The following CTNNA2 variants were observed in gnomAD, a reference collection of about 807,000 sequenced individuals.
CTNNA2 encodes catenin alpha-2.
CTNNA2 carries 42 observed loss-of-function variants against 101.0 expected under a neutral mutation model. The ratio of observed to expected loss-of-function variants is 0.42; its 90% CI spans 0.32 to 0.54. The LOEUF (loss-of-function observed/expected upper bound fraction) is 0.54. Ranked by LOEUF, CTNNA2 falls within the 20% of genes least tolerant of loss-of-function variation. The pLI is 0.14. For synonymous variants in CTNNA2, 450 were observed against 456.4 expected, an observed-to-expected ratio of 0.99 and a Z score of 0.18; for missense variants, 871 against 1,223.1, an observed-to-expected ratio of 0.71 and a Z score of 4.29.
chr2:80,540,942 G>A (rs1691500282), intron 9 of CTNNA2, among the ~76,000 whole-genome samples: 1 of 152,178 alleles, frequency 6.6e-6, no homozygotes, highest in Admixed American at 6.5e-5. Context: ...AGGAGCCTCA[G>A]CCTCCCAAAT....
chr2:79,943,295 C>T (rs1361957301), intron 7 of CTNNA2, among the ~76,000 whole-genome samples: 2 of 152,040 alleles, frequency 1.3e-5, no homozygotes, highest in Admixed American at 1.3e-4. Flanking sequence ...AGTGGATTTT[C>T]TAGCAAACTC....
At chr2:79,680,691 T>C (rs1016131359) in intron 2 of CTNNA2, among the ~76,000 whole-genome samples, 4 of 152,222 alleles carry the variant, frequency 2.6e-5, no homozygotes, top group Admixed American at 1.3e-4. Context: ...CAGGGAATCT[T>C]ACTCTTAGGG....
chr2:79,759,422 A>G lies in CTNNA2; in HGVS notation c.298+14840A>G, dbSNP rs1395199657. ...TAATAATAATAATAAATAAAATAAA[A>G]TTGATGCTTATGAATGGTCACTTTT... On this transcript the variant is annotated intron_variant, in intron 3 of 18. Transcript: ENST00000402739. Among the ~76,000 whole-genome samples the G allele has an allele frequency of 2.6e-5, 4 of 152,000 alleles. No homozygotes were observed. The South Asian group carries it at 8.3e-4, about 32-fold the overall frequency.
chr2:80,610,673 A>C (rs1573449810), intron 17 of CTNNA2, among the ~76,000 whole-genome samples: 1 of 151,808 alleles, frequency 6.6e-6, no homozygotes, highest in African/African-American at 2.4e-5. Flanking sequence ...AATGATTTTG[A>C]TGTCAAAACA....
At chr2:79,936,150 A>G (rs752699352) in intron 7 of CTNNA2, among the ~76,000 whole-genome samples, 3 of 151,982 alleles carry the variant, frequency 2.0e-5, no homozygotes, top group Admixed American at 6.6e-5. Flanking sequence ...GAAGAAAACC[A>G]TATTCGTTTG....
At chr2:80,630,349 C>G (rs1672149239) in intron 18 of CTNNA2, among the ~76,000 whole-genome samples, 1 of 152,154 alleles carries the variant, frequency 6.6e-6, no homozygotes, top group African/African-American at 2.4e-5. Flanking sequence ...CTCTCTGTCT[C>G]TCTGTACATT....
intron 3 of CTNNA2, among the ~76,000 whole-genome samples, chr2:79,358,273 C>G (rs1446772772): frequency 6.6e-6 from 1 of 151,660 alleles, no homozygotes; most frequent in Admixed American, 6.6e-5. Context: ...AATTTCAGCT[C>G]ACTGCCACCT....
intron 7 of CTNNA2, among the ~76,000 whole-genome samples, chr2:80,109,116 C>A (rs1239088732): frequency 6.6e-6 from 1 of 152,162 alleles, no homozygotes; most frequent in Admixed American, 6.5e-5. Context: ...TAGGATTGTT[C>A]CATGAACAAA....
At chr2:79,667,675 A>G (rs997808570) in intron 2 of CTNNA2, among the ~76,000 whole-genome samples, 2 of 152,252 alleles carry the variant, frequency 1.3e-5, no homozygotes, top group Non-Finnish European at 2.9e-5. Flanking sequence ...ATTCTGTAAC[A>G]TGAAAATGAA....
chr2:79,754,594 A>C (rs1474514452), intron 3 of CTNNA2, among the ~76,000 whole-genome samples: 2 of 152,140 alleles, frequency 1.3e-5, no homozygotes, highest in African/African-American at 4.8e-5. Context: ...CTCTAAAAAC[A>C]AGAGTTGCGG....
At chr2:80,053,957 C>A (rs1166205460) in intron 7 of CTNNA2, among the ~76,000 whole-genome samples, 2 of 152,166 alleles carry the variant, frequency 1.3e-5, no homozygotes, top group East Asian at 1.9e-4. Flanking sequence ...AAACAGAAAT[C>A]ATTTTGTTTA....
intron 3 of CTNNA2, among the ~76,000 whole-genome samples, chr2:79,841,015 C>T (rs1463173899): frequency 2.6e-5 from 4 of 151,980 alleles, no homozygotes; most frequent in Admixed American, 2.0e-4. Context: ...GTGATCCGCC[C>T]GCCTCGGCCT....
intron 2 of CTNNA2, among the ~76,000 whole-genome samples, chr2:79,236,721 A>C (rs1674562618): frequency 6.6e-6 from 1 of 152,182 alleles, no homozygotes; most frequent in Non-Finnish European, 1.5e-5. Context: ...CAGCATCTTC[A>C]ATTGATGCTG....
intron 7 of CTNNA2, among the ~76,000 whole-genome samples, chr2:80,236,577 T>A (rs1709562194): frequency 6.6e-6 from 1 of 152,176 alleles, no homozygotes; most frequent in African/African-American, 2.4e-5. Flanking sequence ...CAAGGGATAC[T>A]GGGAAATGTA....
chr2:79,237,390 C>G (rs1674570550), intron 2 of CTNNA2, among the ~76,000 whole-genome samples: 1 of 152,156 alleles, frequency 6.6e-6, no homozygotes, highest in Non-Finnish European at 1.5e-5. Flanking sequence ...ATTTATAAAG[C>G]ACAGGCAGAA....
At chr2:79,665,513 C>T (rs1317467793) in intron 2 of CTNNA2, among the ~76,000 whole-genome samples, 1 of 152,190 alleles carries the variant, frequency 6.6e-6, no homozygotes, top group Non-Finnish European at 1.5e-5. Context: ...AAGTGCCCTC[C>T]TCTGAGAAAT....
At chr2:79,931,930 A>G (rs911473522) in intron 7 of CTNNA2, among the ~76,000 whole-genome samples, 1 of 152,162 alleles carries the variant, frequency 6.6e-6, no homozygotes, top group Non-Finnish European at 1.5e-5. Flanking sequence ...ACTGCCCCAA[A>G]TCCCCAGCAC....
chr2:80,571,035 G>A (rs182539608), intron 12 of CTNNA2, among the ~76,000 whole-genome samples: 50 of 152,206 alleles, frequency 3.3e-4, no homozygotes, highest in East Asian at 1.7e-3. Context: ...GGCAAAAACC[G>A]CATTTATTTT....
chr2:80,521,927 G>A (rs544355788), intron 9 of CTNNA2, among the ~76,000 whole-genome samples: 1 of 152,280 alleles, frequency 6.6e-6, no homozygotes, highest in Non-Finnish European at 1.5e-5. Flanking sequence ...CATAGGTAGA[G>A]AAAGAATTAG....
Sources: gnomAD v4.1 joint callset for allele counts (sites outside exome capture counted in the v4.1 genomes callset) on GRCh38, gnomAD v4.1.1 for gene constraint, MANE v1.5 for transcripts, NCBI Gene and HGNC (gene_info 2026-07-23, HGNC 2026-07-21) for gene names.